ADCY8: variants seen among roughly 807,000 people sequenced by gnomAD.
The protein encoded by ADCY8 is adenylate cyclase 8, also known as adenylate cyclase type 8.
Under a neutral mutation model 119.7 loss-of-function variants are expected in ADCY8, and 51 were observed. That is an observed-to-expected ratio of 0.43 (90% CI 0.34 to 0.54). The LOEUF (loss-of-function observed/expected upper bound fraction) is 0.54. ADCY8 is among the 20% of genes least tolerant of loss of function. The probability of loss-of-function intolerance (pLI) is 0.03; values close to 1 mark genes in which losing one functional copy is unlikely to be tolerated. For missense variants in ADCY8, 1,383 were observed against 1,598.8 expected, an observed-to-expected ratio of 0.87 and a Z score of 2.30; for synonymous variants, 665 against 651.0, an observed-to-expected ratio of 1.02 and a Z score of -0.33.
chr8:131,012,039 T>G (rs567998901), intron 1 of ADCY8, among the ~76,000 whole-genome samples: 1 of 152,078 alleles, frequency 6.6e-6, no homozygotes, highest in Non-Finnish European at 1.5e-5. Context: ...AGGAACCCAT[T>G]TGGGGAGCCT....
intron 5 of ADCY8, among the ~76,000 whole-genome samples, chr8:130,914,791 A>T (rs1031376615): frequency 4.6e-5 from 7 of 152,260 alleles, no homozygotes; most frequent in African/African-American, 1.7e-4. Flanking sequence ...ACTATAGATG[A>T]CATCTGCATC....
At chr8:131,028,134 C>T (rs1423118492) in intron 1 of ADCY8, among the ~76,000 whole-genome samples, 1 of 152,134 alleles carries the variant, frequency 6.6e-6, no homozygotes, top group Admixed American at 6.5e-5. Context: ...AAATTTTGGC[C>T]CAAAGAAGCT....
intron 1 of ADCY8, among the ~76,000 whole-genome samples, chr8:131,026,020 C>T (rs1556163): frequency 0.6 from 91,802 of 152,196 alleles, 29,516 homozygotes; most frequent in African/African-American, 0.83. Flanking sequence ...ATGCAGCACA[C>T]TGTGGTACTC....
chr8:131,032,353 G>T (rs920727776), intron 1 of ADCY8, among the ~76,000 whole-genome samples: 2 of 152,124 alleles, frequency 1.3e-5, no homozygotes, highest in Non-Finnish European at 2.9e-5. Context: ...GAAAACCCCA[G>T]TAGCTATAAA....
intron 5 of ADCY8, among the ~76,000 whole-genome samples, chr8:130,916,249 G>A (rs1051567536): frequency 1.3e-5 from 2 of 152,206 alleles, no homozygotes; most frequent in Non-Finnish European, 2.9e-5. Flanking sequence ...TGGGGTCTGA[G>A]CTGACTCAGC....
At chr8:130,960,241 C>T (rs1821558201) in intron 2 of ADCY8, among the ~76,000 whole-genome samples, 1 of 152,074 alleles carries the variant, frequency 6.6e-6, no homozygotes, top group South Asian at 2.1e-4. Context: ...AACCTTGGAT[C>T]TACCTGAATA....
At chr8:130,828,665 G>C (rs1257468405) in intron 12 of ADCY8, among the ~76,000 whole-genome samples, 1 of 152,114 alleles carries the variant, frequency 6.6e-6, no homozygotes, top group Non-Finnish European at 1.5e-5. Flanking sequence ...TTGGTGAATG[G>C]GAAAATTCTG....
At chr8:130,808,136 T>C (rs1325036722) in intron 14 of ADCY8, among the ~76,000 whole-genome samples, 2 of 151,836 alleles carry the variant, frequency 1.3e-5, no homozygotes, top group African/African-American at 4.8e-5. Context: ...ATCAAATTCA[T>C]CATTCTCTGA....
At chr8:131,021,518 T>A (rs558980373) in intron 1 of ADCY8, among the ~76,000 whole-genome samples, 1 of 152,324 alleles carries the variant, frequency 6.6e-6, no homozygotes, top group South Asian at 2.1e-4. Context: ...CTATATGTGA[T>A]ATGGTTTGGC....
chr8:131,011,567 G>C (rs1040327305), intron 1 of ADCY8, among the ~76,000 whole-genome samples: 5 of 152,198 alleles, frequency 3.3e-5, no homozygotes, highest in African/African-American at 1.2e-4. Flanking sequence ...CAACATTTAA[G>C]AGTGTTTCTT....
At chr8:130,802,372 A>G (rs1450274587) in intron 14 of ADCY8, among the ~76,000 whole-genome samples, 1 of 152,042 alleles carries the variant, frequency 6.6e-6, no homozygotes, top group African/African-American at 2.4e-5. Context: ...GGCTCTTCCC[A>G]TTTTCCTTCT....
intron 15 of ADCY8, 52 bp downstream of exon 15, chr8:130,800,374 C>T: frequency 1.2e-6 from 2 of 1,605,496 alleles, no homozygotes; most frequent in Non-Finnish European, 1.7e-6. Context: ...TAACACAACG[C>T]TTTGACAACG....
At chr8:130,997,409 T>G (rs1003419579) in intron 1 of ADCY8, among the ~76,000 whole-genome samples, 2 of 152,280 alleles carry the variant, frequency 1.3e-5, no homozygotes, top group East Asian at 3.9e-4. Context: ...GGTGTCAAGA[T>G]CTACACTTAG....
rs185235500 is a variant in ADCY8, at chr8:130,804,181, T to C, written c.2914-3609A>G. Among the ~76,000 whole-genome samples, 535 of 152,330 alleles carry C rather than the reference T, an allele frequency of 3.5e-3. 2 individuals carry two copies. The highest frequency in any genetic ancestry group is 0.012 in the African/African-American group (518 of 41,566). ...TATAGTATTTGTTTGCTAGGGCTGT[T>C]GTAATAAAGGACCATAGACTCTGTG... is the stretch of plus-strand genomic sequence containing the variant. On this transcript the variant is annotated intron_variant, in intron 14 of 17. Transcript: ENST00000286355.
At chr8:130,794,321 T>A (rs1234606883) in intron 15 of ADCY8, among the ~76,000 whole-genome samples, 3 of 152,212 alleles carry the variant, frequency 2.0e-5, no homozygotes, top group Non-Finnish European at 4.4e-5. Context: ...CTCGGCTCAC[T>A]GCAACCTCCA....
chr8:131,005,048 C>G (rs1297291853), intron 1 of ADCY8, among the ~76,000 whole-genome samples: 1 of 152,208 alleles, frequency 6.6e-6, no homozygotes, highest in African/African-American at 2.4e-5. Flanking sequence ...GGATACAGAA[C>G]AAGTCTCTGT....
At chr8:130,961,406 T>A (rs1483171220) in intron 2 of ADCY8, among the ~76,000 whole-genome samples, 1 of 103,924 alleles carries the variant, frequency 9.6e-6, no homozygotes, top group African/African-American at 2.9e-5. Context: ...TACTGTCTAA[T>A]CACTTTCTTC....
chr8:131,015,308 C>T (rs1394757220), intron 1 of ADCY8, among the ~76,000 whole-genome samples: 1 of 152,110 alleles, frequency 6.6e-6, no homozygotes, highest in Non-Finnish European at 1.5e-5. Flanking sequence ...AAAGGAGAAA[C>T]AAATTATAGA....
At chr8:131,024,901 G>A (rs934489533) in intron 1 of ADCY8, among the ~76,000 whole-genome samples, 1 of 152,154 alleles carries the variant, frequency 6.6e-6, no homozygotes, top group African/African-American at 2.4e-5. Context: ...TATAAGAATT[G>A]TCATTATCTG....
Sources: gnomAD v4.1 joint callset for allele counts (sites outside exome capture counted in the v4.1 genomes callset) on GRCh38, gnomAD v4.1.1 for gene constraint, MANE v1.5 for transcripts, NCBI Gene and HGNC (gene_info 2026-07-23, HGNC 2026-07-21) for gene names.